The following FBN3 variants were observed in gnomAD, a reference collection of about 807,000 sequenced individuals.
FBN3 encodes the protein fibrillin-3.
In FBN3, 234 loss-of-function variants were observed where a neutral mutation model predicts 330.1. The observed-to-expected ratio is 0.71, with a 90% confidence interval of 0.64 to 0.79. The LOEUF (loss-of-function observed/expected upper bound fraction) is 0.79, where lower values mean the gene tolerates loss of function less well. Ranked by LOEUF, FBN3 falls within the 30% of genes least tolerant of loss-of-function variation. The pLI is 0.00. For synonymous variants in FBN3, 1,458 were observed against 1,517.3 expected (o/e 0.96, Z 0.91); for missense variants, 3,606 against 3,886.9 (o/e 0.93, Z 1.92).
In FBN3 at chr19:8,117,438, G is replaced by A. The variant is rs1238839299; in HGVS notation, c.3463+26C>T. ...GTCTGGGACTGTGGTTGGTGCCCAG[G>A]GGCCAGCAGGTGGGCACAGTCTCAC... On this transcript the variant is annotated intron_variant, in intron 27 of 63. Coordinates refer to ENST00000600128, the MANE Select transcript of FBN3 (RefSeq NM_032447.5). The A allele has an allele frequency of 7.7e-6, 12 of 1,558,970 alleles. No individual in the cohort carries two copies. The Admixed American group carries it at 2.3e-4, about 30-fold the overall frequency.
chr19:8,140,940 C>G (rs1315705589), intron 8 of FBN3, among the ~76,000 whole-genome samples: 2 of 152,090 alleles, frequency 1.3e-5, no homozygotes, highest in African/African-American at 4.8e-5. Context: ...CGCCTGTAAT[C>G]CCAGCACTTT....
At position 8,147,387 on chromosome 19, in the gene FBN3, G is replaced by C. The variant is rs771941574; in HGVS notation, c.94C>G (p.Arg32Gly). The C allele has an allele frequency of 6.3e-7, 1 of 1,598,140 alleles. No homozygotes were observed. Among genetic ancestry groups the C allele is most frequent in the South Asian group, 1.1e-5 (1 of 88,510 alleles). ...ALLCMAGGQG[R>G]WDGALEAAGP... ...GCAGCCTCCAAGGCCCCGTCCCAGC[G>C]GCCTTGGCCACCTGCCATGCACAAC... Residue 32 changes from arginine to glycine, a missense_variant, in exon 2 of 64, where the codon CGC (arginine) becomes GGC (glycine). Arg to Gly is a moderately radical substitution (Grantham distance 125, BLOSUM62 -2). Transcript: ENST00000600128.
chr19:8,136,415 T>G lies in FBN3; in HGVS notation c.1318A>C (p.Thr440Pro). The G allele has an allele frequency of 6.2e-7, 1 of 1,614,102 alleles. No homozygotes were observed. The change falls in exon 11 of 64, where the codon ACC (threonine) becomes CCC (proline). Residue 440 changes from threonine (T) to proline (P), a missense_variant. Thr to Pro is a conservative substitution (Grantham distance 38). Transcript: ENST00000600128. ...ATGCACTCGCCGCGCACGTCCTGGG[T>G]GTAGCCCACGTTACACTCGCAGCGG... ...SYRCECNVGY[T>P]QDVRGECIDV...
chr19:8,126,283 G>C lies in FBN3; in HGVS notation c.2605+14C>G. The C allele has an allele frequency of 6.3e-7, 1 of 1,583,532 alleles. No homozygotes were observed. The highest frequency in any genetic ancestry group is 8.6e-7 in the Non-Finnish European group (1 of 1,166,554). ...CTGGAGTAGGGGGTGAGCTGGACACGGGCAGGCAGTTACCATCGCAGGTGA... is the reference window on the plus strand; with the variant it reads ...CTGGAGTAGGGGGTGAGCTGGACACCGGCAGGCAGTTACCATCGCAGGTGA... On this transcript the variant is annotated intron_variant, in intron 21 of 63. Coordinates refer to ENST00000600128, the MANE Select transcript of FBN3 (RefSeq NM_032447.5).
rs202104203 is a variant in FBN3, at chr19:8,082,309, CTT to C, written c.7214-831_7214-830del. 6.5e-3 allele frequency among the ~76,000 whole-genome samples: 266 copies of C among 40,874 alleles called. 4 individuals are homozygous for C. The highest frequency in any genetic ancestry group is 0.025 in the East Asian group (54 of 2,168). The allele number at this position is 40,874 out of a possible 152,430, so 26.8% of individuals were successfully genotyped here. A position where few individuals can be genotyped will look rare whatever the true frequency, so the allele number is the denominator to read the frequency against. Reference sequence around the variant, plus strand: ...TTCCTCTCCCTTTCTCTCTTTCTCCCTTTCTCTTTCTTTCTTTCTGTTTCTTT... The same window carrying C: ...TTCCTCTCCCTTTCTCTCTTTCTCCCTCTCTTTCTTTCTTTCTGTTTCTTT... On this transcript the variant is annotated intron_variant, in intron 57 of 63. Coordinates refer to ENST00000600128, the MANE Select transcript of FBN3 (RefSeq NM_032447.5).
In FBN3 at chr19:8,138,154, G is replaced by T; in HGVS notation, c.1188C>A (p.Gly396=). 6.2e-7 allele frequency: 1 copy of T among 1,611,058 alleles called. No individual in the cohort carries two copies. Among genetic ancestry groups the T allele is most frequent in the Non-Finnish European group, 8.5e-7 (1 of 1,179,040 alleles). ...DARGIPSLGP[G]NSNIGTATLN... ...CCCAGGCCTCACCAATATTAGAGTT[G>T]CCAGGGCCCAGGCTGGGGATCCCAC... The change falls in exon 10 of 64, where the codon GGC becomes GGA. Residue 396 remains glycine (G), a synonymous_variant. Transcript: ENST00000600128.
chr19:8,133,598 G>C (rs923603115), intron 13 of FBN3, among the ~76,000 whole-genome samples: 4 of 151,962 alleles, frequency 2.6e-5, no homozygotes, highest in Admixed American at 2.6e-4. Flanking sequence ...TTACAGGCAT[G>C]TACCACCACG....
chr19:8,076,007 A>C (rs570343522), intron 59 of FBN3, among the ~76,000 whole-genome samples: 22 of 152,244 alleles, frequency 1.4e-4, no homozygotes, highest in Non-Finnish European at 2.9e-4. Flanking sequence ...AGGGTTAGAT[A>C]AGGTCATGAG....
rs780466449 is a variant in FBN3 at position 8,138,273 on chromosome 19, G to A, written c.1069C>T (p.Pro357Ser). The change falls in exon 10 of 64, where the codon CCT becomes TCT. Residue 357 changes from proline to serine, a missense_variant. Pro to Ser is a moderately conservative substitution (Grantham distance 74). Coordinates refer to ENST00000600128, the MANE Select transcript of FBN3 (RefSeq NM_032447.5). ...AQRLPLLPGH[P>S]GLFPGLLGFG... Reference sequence around the variant, plus strand: ...CCCAGGAGGCCAGGGAAGAGGCCAGGGTGGCCGGGTAGCAGCGGCAGCCGC... The same window carrying A: ...CCCAGGAGGCCAGGGAAGAGGCCAGAGTGGCCGGGTAGCAGCGGCAGCCGC... The A allele has an allele frequency of 6.2e-7, 1 of 1,612,932 alleles. No homozygotes were observed. The highest frequency in any genetic ancestry group is 1.1e-5 in the South Asian group (1 of 91,010).
Position 8,072,075 on chromosome 19 carries a change from T to C in FBN3, c.8061A>G (p.Pro2687=). The change falls in exon 63 of 64, where the codon CCA becomes CCG. Residue 2687 remains proline, a synonymous_variant. Coordinates refer to ENST00000600128, the MANE Select transcript of FBN3 (RefSeq NM_032447.5). ...KINGLSPRDR[P]RRSAHRDHQV... is the part of the protein sequence containing the mutation. ...GGTGGTCCCTGTGGGCACTGCGTCG[T>C]GGCCGGTCCCGAGGGGAGAGGCCAT... The C allele has an allele frequency of 6.2e-7, 1 of 1,612,684 alleles. No individual in the cohort carries two copies. Among genetic ancestry groups the C allele is most frequent in the Non-Finnish European group, 8.5e-7 (1 of 1,179,782 alleles).
At chr19:8,144,007 A>C (rs1390788599) in intron 6 of FBN3, among the ~76,000 whole-genome samples, 1 of 151,568 alleles carries the variant, frequency 6.6e-6, no homozygotes, top group Non-Finnish European at 1.5e-5. Context: ...GGGGTGTCTC[A>C]CTATGCTACC....
At chr19:8,074,320 A>C (rs1260744027) in intron 61 of FBN3, among the ~76,000 whole-genome samples, 3 of 152,082 alleles carry the variant, frequency 2.0e-5, no homozygotes, top group Non-Finnish European at 4.4e-5. Flanking sequence ...TGGGAAGCCC[A>C]AGAAGAACTT....
intron 41 of FBN3, among the ~76,000 whole-genome samples, chr19:8,099,276 A>ATTTTT (rs386388494): frequency 1.2e-4 from 12 of 98,872 alleles, no homozygotes; most frequent in South Asian, 3.5e-4. Context: ...TCATGGTTTG[A>ATTTTT]TTTTTTTTTT....
chr19:8,147,898 T>C (rs1381033612), intron 1 of FBN3: 1 of 155,650 alleles, frequency 6.4e-6, no homozygotes, highest in Non-Finnish European at 1.4e-5. Context: ...CAGAAATGCA[T>C]GTTAGGTGGT....
At chr19:8,114,783 C>A (rs963998067) in intron 30 of FBN3, among the ~76,000 whole-genome samples, 5 of 151,924 alleles carry the variant, frequency 3.3e-5, no homozygotes, top group African/African-American at 1.2e-4. Flanking sequence ...GCTCTGTCAC[C>A]CAGGCTGGAG....
At chr19:8,103,405 G>A (rs893491058) in intron 39 of FBN3, among the ~76,000 whole-genome samples, 157 bp downstream of exon 39, 5 of 151,924 alleles carry the variant, frequency 3.3e-5, no homozygotes, top group African/African-American at 1.2e-4. Flanking sequence ...TGGCAGCTCT[G>A]GGCTCCTGAG....
In FBN3 at chr19:8,072,258, C is replaced by A; in HGVS notation, c.7938-60G>T. 7 of 1,449,762 alleles carry A rather than the reference C, an allele frequency of 4.8e-6. No homozygotes were observed. In the South Asian group the frequency reaches 6.8e-5, roughly 14 times the overall value. 89.8% of individuals were successfully genotyped at this position (1,449,762 alleles called of 1,614,324 possible). A position where few individuals can be genotyped will look rare whatever the true frequency, so the allele number is the denominator to read the frequency against. On this transcript the variant is annotated intron_variant, in intron 62 of 63. Transcript: ENST00000600128. ...AGGCGGGCTGATGGGACCTCCCCAG[C>A]CACGCCGCTCCACCCCATACTCCGT...
chr19:8,125,856 C>T (rs761407929), intron 22 of FBN3, 36 bp downstream of exon 22: 29 of 1,561,554 alleles, frequency 1.9e-5, no homozygotes, highest in Non-Finnish European at 2.3e-5. Context: ...AAAGGAAGAA[C>T]GTGTGGCCCT....
At chr19:8,069,145 C>T (rs60941879) in intron 63 of FBN3, among the ~76,000 whole-genome samples, 22,087 of 152,034 alleles carry the variant, frequency 0.15, 1,976 homozygotes, top group Admixed American at 0.23. Context: ...GAGAGGAGAG[C>T]GTAAAGGACC....
Sources: gnomAD v4.1 joint callset for allele counts (sites outside exome capture counted in the v4.1 genomes callset) on GRCh38, gnomAD v4.1.1 for gene constraint, MANE v1.5 for transcripts, NCBI Gene and HGNC (gene_info 2026-07-23, HGNC 2026-07-21) for gene names.